The following DGCR2 variants were observed in gnomAD, a reference collection of about 807,000 sequenced individuals.
DGCR2 encodes DiGeorge syndrome critical region gene 2.
A neutral mutation model predicts 51.6 loss-of-function variants in DGCR2; 24 were observed. The observed-to-expected ratio is 0.47, with a 90% confidence interval of 0.34 to 0.65. The LOEUF (loss-of-function observed/expected upper bound fraction) is 0.65. Among genes scored for constraint, DGCR2 ranks in the 30% least tolerant of loss-of-function variants. The pLI, the probability that DGCR2 is intolerant of heterozygous loss-of-function variation, is 0.01. For missense variants in DGCR2, 765 were observed against 772.1 expected, an observed-to-expected ratio of 0.99 and a Z score of 0.11; for synonymous variants, 340 against 315.4, an observed-to-expected ratio of 1.08 and a Z score of -0.82.
At chr22:19,073,888 G>C (rs1429564279) in intron 2 of DGCR2, among the ~76,000 whole-genome samples, 1 of 152,138 alleles carries the variant, frequency 6.6e-6, no homozygotes, top group African/African-American at 2.4e-5. Flanking sequence ...CCAACGCAAG[G>C]AGACACAGGT....
chr22:19,075,836 A>G (rs1407337246), intron 2 of DGCR2, among the ~76,000 whole-genome samples: 1 of 152,210 alleles, frequency 6.6e-6, no homozygotes, highest in African/African-American at 2.4e-5. Flanking sequence ...TCTGTGATGG[A>G]CACTTGGGTT....
chr22:19,063,352 T>G (rs2082708829), intron 4 of DGCR2, 74 bp from the exon 5 acceptor site: 9 of 1,467,684 alleles, frequency 6.1e-6, no homozygotes, highest in Non-Finnish European at 8.5e-6. Context: ...GTGTGTTTTT[T>G]GTTTTTTGAG....
At chr22:19,058,990 A>G (rs560402759) in intron 5 of DGCR2, among the ~76,000 whole-genome samples, 25 of 152,322 alleles carry the variant, frequency 1.6e-4, no homozygotes, top group African/African-American at 4.8e-4. Context: ...CGGGCACTGC[A>G]TGCCTACCCG....
chr22:19,075,460 G>C (rs558347542), intron 2 of DGCR2, among the ~76,000 whole-genome samples: 2 of 146,924 alleles, frequency 1.4e-5, no homozygotes, highest in African/African-American at 2.6e-5. Flanking sequence ...AAAAAAAAAA[G>C]AGTGTACAGT....
chr22:19,114,952 T>A (rs1327843588), intron 1 of DGCR2, among the ~76,000 whole-genome samples: 2 of 152,114 alleles, frequency 1.3e-5, no homozygotes, highest in Non-Finnish European at 2.9e-5. Context: ...ACCAAACTGA[T>A]AGCTGTCTGC....
intron 1 of DGCR2, among the ~76,000 whole-genome samples, chr22:19,121,230 A>G (rs182299622): frequency 3.3e-5 from 5 of 152,362 alleles, no homozygotes; most frequent in Admixed American, 1.3e-4. Context: ...GTATTAGTAT[A>G]AAGATGACTG....
Position 19,105,872 on chromosome 22 carries a change from A to G in DGCR2, c.79+16256T>C, listed in dbSNP as rs190873322. On this transcript the variant is annotated intron_variant, in intron 1 of 9. Transcript: ENST00000263196. ...GCCATCTGCCCTTTTATGGAGTCCA[A>G]GGGCCACCTCTAACCTTCCCGCAAA... is the stretch of plus-strand genomic sequence containing the variant. 1.3e-3 allele frequency among the ~76,000 whole-genome samples: 197 copies of G among 151,964 alleles called. 1 individual carries two copies. The highest frequency in any genetic ancestry group is 4.4e-3 in the African/African-American group (183 of 41,436).
At chr22:19,095,043 G>A (rs542986198) in intron 1 of DGCR2, among the ~76,000 whole-genome samples, 7 of 152,240 alleles carry the variant, frequency 4.6e-5, no homozygotes, top group African/African-American at 1.2e-4. Flanking sequence ...CTGTGGTGAC[G>A]GTTTCACAGA....
At chr22:19,054,520 GGA>G (rs2082580800) in intron 6 of DGCR2, among the ~76,000 whole-genome samples, 1 of 152,154 alleles carries the variant, frequency 6.6e-6, no homozygotes. Flanking sequence ...TCTCCAACTT[GGA>G]CAAATGGATT....
intron 5 of DGCR2, chr22:19,060,686 C>A (rs1010119546): frequency 3.5e-6 from 1 of 287,588 alleles, no homozygotes; most frequent in Non-Finnish European, 7.0e-6. Context: ...ACAAATGTTA[C>A]AGAAATCCTG....
intron 6 of DGCR2, among the ~76,000 whole-genome samples, chr22:19,054,733 C>G (rs750022090): frequency 1.7e-4 from 22 of 130,788 alleles, no homozygotes; most frequent in Non-Finnish European, 3.1e-4. Context: ...CACAGTGATG[C>G]CCCACCTTAA....
intron 2 of DGCR2, among the ~76,000 whole-genome samples, chr22:19,072,864 CTCTG>C (rs2082830888): frequency 6.6e-6 from 1 of 152,002 alleles, no homozygotes. Context: ...CAGAGCAAGA[CTCTG>C]TCTAAAAAAT....
intron 2 of DGCR2, among the ~76,000 whole-genome samples, chr22:19,082,744 G>A (rs140267043): frequency 1.4e-5 from 2 of 145,036 alleles, no homozygotes; most frequent in African/African-American, 5.1e-5. Context: ...GTGACAGAGC[G>A]AAACTCCATC....
In DGCR2 at chr22:19,082,205, C is replaced by CATCTGGCTA. The variant is rs1255834181; in HGVS notation, c.202+7154_202+7162dup. Among the ~76,000 whole-genome samples the CATCTGGCTA allele has an allele frequency of 9.7e-5, 14 of 144,954 alleles. No homozygotes were observed. In the East Asian group the frequency reaches 2.1e-3, roughly 21 times the overall value. Reference sequence around the variant, plus strand: ...CTGGGACTACAAGTGTGTACCACCACATCTGGCTAATTATTTCTTTTTTTT... The same window carrying CATCTGGCTA: ...CTGGGACTACAAGTGTGTACCACCACATCTGGCTAATCTGGCTAATTATTTCTTTTTTTT... On this transcript the variant is annotated intron_variant, in intron 2 of 9. Coordinates refer to ENST00000263196, the MANE Select transcript of DGCR2 (RefSeq NM_005137.3).
intron 2 of DGCR2, among the ~76,000 whole-genome samples, chr22:19,086,147 A>C (rs1288902350): frequency 6.6e-6 from 1 of 152,166 alleles, no homozygotes; most frequent in Non-Finnish European, 1.5e-5. Context: ...TTTATGACTT[A>C]ATTTGCTCAG....
intron 2 of DGCR2, among the ~76,000 whole-genome samples, chr22:19,084,593 C>T (rs2082987363): frequency 7.2e-6 from 1 of 139,720 alleles, no homozygotes. Flanking sequence ...GTGAGGAGCC[C>T]CTCCGCCCGG....
In DGCR2 at chr22:19,039,102, A is replaced by T; in HGVS notation, c.1416T>A (p.Pro472=). ...YDPADDDAFE[P]VEVSLPAPGD... Reference sequence around the variant, plus strand: ...CAGGGGCTGGCAGGCTGACCTCCACAGGCTCAAAAGCATCATCGTCTGCAG... The same window carrying T: ...CAGGGGCTGGCAGGCTGACCTCCACTGGCTCAAAAGCATCATCGTCTGCAG... Residue 472 remains proline (P), a synonymous_variant, in exon 10 of 10, where the codon CCT becomes CCA. Transcript: ENST00000263196. 1 of 1,613,088 alleles carries T rather than the reference A, an allele frequency of 6.2e-7. No homozygotes were observed. Among genetic ancestry groups the T allele is most frequent in the Non-Finnish European group, 8.5e-7 (1 of 1,179,954 alleles).
At chr22:19,040,806 G>A (rs149200224) in intron 9 of DGCR2, among the ~76,000 whole-genome samples, 1 of 152,318 alleles carries the variant, frequency 6.6e-6, no homozygotes, top group East Asian at 1.9e-4. Context: ...CTCACAGAAG[G>A]CAGGGAGGTA....
intron 1 of DGCR2, among the ~76,000 whole-genome samples, chr22:19,115,642 G>A (rs766241137): frequency 2.6e-5 from 4 of 152,240 alleles, no homozygotes; most frequent in Non-Finnish European, 5.9e-5. Context: ...TGAGTGCCCA[G>A]TCTGTGCCTG....
Sources: allele counts gnomAD v4.1 joint callset (sites outside exome capture counted in the v4.1 genomes callset), GRCh38; gene constraint gnomAD v4.1.1; transcripts MANE v1.5; gene names NCBI Gene and HGNC (gene_info 2026-07-23, HGNC 2026-07-21).